The following RALGAPA2 variants were observed in gnomAD, a reference collection of about 807,000 sequenced individuals.
The protein encoded by RALGAPA2 is ral GTPase-activating protein subunit alpha-2.
In RALGAPA2, 139 loss-of-function variants were observed where a neutral mutation model predicts 230.4. The observed-to-expected ratio is 0.60, with a 90% CI of 0.53 to 0.69. The LOEUF is 0.69. Among genes scored for constraint, RALGAPA2 ranks in the 30% least tolerant of loss-of-function variants. RALGAPA2 has a pLI of 0.00. For missense variants in RALGAPA2, 2,163 were observed against 2,276.0 expected, an observed-to-expected ratio of 0.95 and a Z score of 1.01; for synonymous variants, 847 against 837.8, an observed-to-expected ratio of 1.01 and a Z score of -0.19.
At chr20:20,655,787 G>A (rs763967661) in intron 3 of RALGAPA2, among the ~76,000 whole-genome samples, 8 of 152,132 alleles carry the variant, frequency 5.3e-5, no homozygotes, top group Non-Finnish European at 8.8e-5. Flanking sequence ...AGGCCGGCCA[G>A]GTAAAGAGAA....
At chr20:20,511,165 T>A in intron 33 of RALGAPA2, 89 bp downstream of exon 33, 30 of 1,519,072 alleles carry the variant, frequency 2.0e-5, no homozygotes, top group Non-Finnish European at 2.6e-5. Context: ...GATGTCTCAG[T>A]AAGTCTATTC....
rs1371250662 is a variant in RALGAPA2, at chr20:20,511,243, C to T, written c.4928+11G>A. ...AACAGGAAAAAAGTGGTTTGATATA[C>T]TTTCACATACCACTGGCGGGAGTCC... On this transcript the variant is annotated intron_variant, in intron 33 of 39. Coordinates refer to ENST00000202677, the MANE Select transcript of RALGAPA2 (RefSeq NM_020343.4). The T allele has an allele frequency of 6.4e-7, 1 of 1,570,312 alleles. No individual in the cohort carries two copies. Among genetic ancestry groups the T allele is most frequent in the Non-Finnish European group, 8.6e-7 (1 of 1,157,454 alleles).
intron 16 of RALGAPA2, among the ~76,000 whole-genome samples, chr20:20,597,214 G>T (rs1373352101): frequency 2.6e-5 from 4 of 152,092 alleles, no homozygotes; most frequent in African/African-American, 4.8e-5. Flanking sequence ...TTCTTTTGGG[G>T]TGTGTATTAG....
rs577145057 is a variant in RALGAPA2, at chr20:20,703,425, G to A, written c.106+8950C>T. ...TTCTCAATTGCTAGATTTTGCTAGCGGATTCTGGATCCTCTCACCTGAAAA... is the reference window on the plus strand; with the variant it reads ...TTCTCAATTGCTAGATTTTGCTAGCAGATTCTGGATCCTCTCACCTGAAAA... On this transcript the variant is annotated intron_variant, in intron 1 of 39. Coordinates refer to ENST00000202677, the MANE Select transcript of RALGAPA2 (RefSeq NM_020343.4). 3.3e-5 allele frequency among the ~76,000 whole-genome samples: 5 copies of A among 152,152 alleles called. No homozygotes were observed. In the South Asian group the frequency reaches 8.3e-4, roughly 25 times the overall value.
intron 27 of RALGAPA2, among the ~76,000 whole-genome samples, chr20:20,531,087 C>T (rs1374212901): frequency 2.0e-5 from 3 of 152,142 alleles, no homozygotes; most frequent in African/African-American, 7.2e-5. Flanking sequence ...CCTGTGTGGC[C>T]TCGGGCTTGT....
chr20:20,447,502 C>T (rs544768993), intron 37 of RALGAPA2, among the ~76,000 whole-genome samples: 1 of 152,310 alleles, frequency 6.6e-6, no homozygotes, highest in African/African-American at 2.4e-5. Context: ...TGGCAGATGT[C>T]CTGTCAAGGC....
At position 20,448,873 on chromosome 20, in the gene RALGAPA2, G is replaced by GA. The variant is rs199891651; in HGVS notation, c.5495+23955dup. 7.4e-3 allele frequency among the ~76,000 whole-genome samples: 922 copies of GA among 124,434 alleles called. 6 individuals are homozygous for GA. Among genetic ancestry groups the GA allele is most frequent in the African/African-American group, 0.017 (584 of 33,724 alleles). 81.6% of individuals were successfully genotyped at this position (124,434 alleles called of 152,430 possible). On this transcript the variant is annotated intron_variant, in intron 37 of 39. Coordinates refer to ENST00000202677, the MANE Select transcript of RALGAPA2 (RefSeq NM_020343.4). ...GACTTTGGGTTTATGAATGTATATT[G>GA]AAAAAAAAAAAAAAAGGTAAATCTG...
intron 37 of RALGAPA2, chr20:20,470,861 T>C (rs2061523862): frequency 6.6e-6 from 1 of 152,194 alleles, no homozygotes; most frequent in Non-Finnish European, 1.5e-5. Flanking sequence ...ATTAAAAGAA[T>C]AGAGTAGTTA....
chr20:20,566,871 T>A (rs930521186), intron 23 of RALGAPA2, among the ~76,000 whole-genome samples: 1 of 152,198 alleles, frequency 6.6e-6, no homozygotes, highest in Non-Finnish European at 1.5e-5. Context: ...ATGATCCAAA[T>A]ATGTTACTTC....
chr20:20,413,053 A>G (rs1170493498), intron 37 of RALGAPA2, among the ~76,000 whole-genome samples: 3 of 152,136 alleles, frequency 2.0e-5, no homozygotes, highest in African/African-American at 7.2e-5. Flanking sequence ...ACACTTGGGG[A>G]AGTCCGCATG....
intron 23 of RALGAPA2, among the ~76,000 whole-genome samples, chr20:20,569,652 AT>A (rs1197905699): frequency 3.9e-5 from 6 of 152,042 alleles, no homozygotes; most frequent in Non-Finnish European, 5.9e-5. Flanking sequence ...TTATAAAATA[AT>A]TTTTTTCAGG....
At chr20:20,534,809 A>T (rs2063458147) in intron 26 of RALGAPA2, among the ~76,000 whole-genome samples, 1 of 152,218 alleles carries the variant, frequency 6.6e-6, no homozygotes, top group South Asian at 2.1e-4. Flanking sequence ...GGGGAAGGAA[A>T]ATTATAGGCC....
rs755726948 is a variant in RALGAPA2 at position 20,639,861 on chromosome 20, G to A, written c.590C>T (p.Ala197Val). 2 of 1,613,514 alleles carry A rather than the reference G, an allele frequency of 1.2e-6. No homozygotes were observed. Among genetic ancestry groups the A allele is most frequent in the Non-Finnish European group, 1.7e-6 (2 of 1,179,560 alleles). ...YPEEITPLLP[A>V]ISGEKIAEDQ... ...CTCAGCAATCTTCTCCCCTGATATGGCTGGTAGGAGTGGAGTGATTTCTTC... is the reference window on the plus strand; with the variant it reads ...CTCAGCAATCTTCTCCCCTGATATGACTGGTAGGAGTGGAGTGATTTCTTC... The change falls in exon 7 of 40, where the codon GCC (alanine) becomes GTC (valine). Residue 197 changes from alanine (A) to valine (V), a missense_variant. Ala to Val is a moderately conservative substitution (Grantham distance 64). Transcript: ENST00000202677.
At chr20:20,548,473 A>G (rs2145729558) in intron 23 of RALGAPA2, among the ~76,000 whole-genome samples, 1 of 152,194 alleles carries the variant, frequency 6.6e-6, no homozygotes, top group East Asian at 1.9e-4. Flanking sequence ...TAAATAGTTT[A>G]GCAAGTACTA....
chr20:20,396,854 G>C lies in RALGAPA2; in HGVS notation c.5618-120C>G, dbSNP rs2059730711. On this transcript the variant is annotated intron_variant, in intron 38 of 39. Transcript: ENST00000202677. ...CCTGAGCTGCCCAAGCATTTCTGCA[G>C]CCTTGTCAATCAGTAAAAACTGAAC... The C allele has an allele frequency of 6.0e-6, 5 of 830,474 alleles. No individual in the cohort carries two copies. In the South Asian group the frequency reaches 6.6e-5, roughly 11 times the overall value. The allele number at this position is 830,474 out of a possible 1,614,324, so 51.4% of individuals were successfully genotyped here. A position where few individuals can be genotyped will look rare whatever the true frequency, so the allele number is the denominator to read the frequency against.
At chr20:20,512,242 C>CACACACACACACAT (rs2062732246) in intron 32 of RALGAPA2, among the ~76,000 whole-genome samples, 1 of 116,466 alleles carries the variant, frequency 8.6e-6, no homozygotes, top group African/African-American at 3.3e-5. Flanking sequence ...CACACACATA[C>CACACACACACACAT]ACACACACAC....
chr20:20,411,949 T>C (rs1000284018), intron 38 of RALGAPA2, 78 bp downstream of exon 38: 1 of 1,556,862 alleles, frequency 6.4e-7, no homozygotes, highest in Non-Finnish European at 8.8e-7. Context: ...GCAAAGCATT[T>C]ATCTGTGAAA....
At chr20:20,586,988 G>GA (rs1055999664) in intron 18 of RALGAPA2, among the ~76,000 whole-genome samples, 19 of 151,768 alleles carry the variant, frequency 1.3e-4, no homozygotes, top group African/African-American at 4.6e-4. Flanking sequence ...TACCAATGAG[G>GA]AAAAAATGAG....
chr20:20,474,484 A>G (rs968762727), intron 36 of RALGAPA2, among the ~76,000 whole-genome samples: 9 of 152,344 alleles, frequency 5.9e-5, no homozygotes, highest in African/African-American at 1.7e-4. Context: ...ACAAAACTGC[A>G]AAGGGGAATT....
Sources: allele counts gnomAD v4.1 joint callset (sites outside exome capture counted in the v4.1 genomes callset), GRCh38; gene constraint gnomAD v4.1.1; transcripts MANE v1.5; gene names NCBI Gene and HGNC (gene_info 2026-07-23, HGNC 2026-07-21).